Variants in FLI1 observed in about 807,000 individuals in gnomAD.
FLI1 encodes the protein Friend leukemia integration 1 transcription factor.
FLI1 carries 13 observed loss-of-function variants against 53.1 expected under a neutral mutation model. The ratio of observed to expected loss-of-function variants is 0.24; its 90% CI spans 0.16 to 0.39. The LOEUF is 0.39. Among genes scored for constraint, FLI1 ranks in the 10% least tolerant of loss-of-function variants. The pLI is 1.00. For missense variants in FLI1, 424 were observed against 600.5 expected, an observed-to-expected ratio of 0.71 and a Z score of 3.07; for synonymous variants, 244 against 236.7, an observed-to-expected ratio of 1.03 and a Z score of -0.28.
chr11:128,747,513 T>C (rs1374882567), intron 1 of FLI1, among the ~76,000 whole-genome samples: 3 of 152,236 alleles, frequency 2.0e-5, no homozygotes, highest in Non-Finnish European at 4.4e-5. Context: ...TATTTAATAC[T>C]TCCTACCCAT....
intron 4 of FLI1, among the ~76,000 whole-genome samples, chr11:128,775,497 C>T (rs1941702530): frequency 6.6e-6 from 1 of 152,108 alleles, no homozygotes; most frequent in South Asian, 2.1e-4. Context: ...GGGGTTCCAG[C>T]CTTGGGGACC....
intron 5 of FLI1, among the ~76,000 whole-genome samples, chr11:128,799,043 A>ATTTTTTTTTTTT (rs1186555006): frequency 7.8e-6 from 1 of 128,670 alleles, no homozygotes; most frequent in African/African-American, 3.0e-5. Context: ...TATTATTATT[A>ATTTTTTTTTTTT]TTATTATTAT....
chr11:128,687,371 G>T (rs1234944447), intron 1 of FLI1, among the ~76,000 whole-genome samples: 1 of 152,122 alleles, frequency 6.6e-6, no homozygotes, highest in African/African-American at 2.4e-5. Context: ...TGGGTGGGGC[G>T]GGGAGTGCGC....
chr11:128,780,341 C>T (rs954881376), intron 4 of FLI1, among the ~76,000 whole-genome samples: 1 of 152,194 alleles, frequency 6.6e-6, no homozygotes, highest in Admixed American at 6.5e-5. Flanking sequence ...CTTCCTCTGC[C>T]GGGTGCGGTG....
intron 2 of FLI1, among the ~76,000 whole-genome samples, chr11:128,760,144 G>A (rs144484004): frequency 2.0e-5 from 3 of 152,280 alleles, no homozygotes; most frequent in East Asian, 1.9e-4. Flanking sequence ...CCTAACAGTC[G>A]AAGGACATGG....
At chr11:128,723,926 G>A (rs1939359504) in intron 1 of FLI1, among the ~76,000 whole-genome samples, 1 of 146,664 alleles carries the variant, frequency 6.8e-6, no homozygotes, top group African/African-American at 2.5e-5. Context: ...GAGGAACAAT[G>A]GAGTTGATTT....
intron 2 of FLI1, among the ~76,000 whole-genome samples, chr11:128,765,582 C>G (rs1012912245): frequency 6.6e-6 from 1 of 152,272 alleles, no homozygotes; most frequent in African/African-American, 2.4e-5. Flanking sequence ...CCTATGCCCT[C>G]TTGCTCTGGG....
chr11:128,796,939 C>T (rs1009447142), intron 5 of FLI1, among the ~76,000 whole-genome samples: 1 of 152,362 alleles, frequency 6.6e-6, no homozygotes, highest in Non-Finnish European at 1.5e-5. Context: ...TGCGCCATTG[C>T]ACTCCAGCCT....
At chr11:128,747,620 T>G (rs187000373) in intron 1 of FLI1, among the ~76,000 whole-genome samples, 1 of 152,332 alleles carries the variant, frequency 6.6e-6, no homozygotes, top group East Asian at 1.9e-4. Flanking sequence ...GGCTTTGCTT[T>G]GCGCTGTCCC....
intron 1 of FLI1, among the ~76,000 whole-genome samples, chr11:128,746,984 C>T (rs1940422661): frequency 6.6e-6 from 1 of 152,200 alleles, no homozygotes; most frequent in Admixed American, 6.5e-5. Flanking sequence ...TGCCTTTTGA[C>T]CCCATCTGCA....
intron 5 of FLI1, among the ~76,000 whole-genome samples, chr11:128,802,429 G>A (rs73019492): frequency 0.019 from 2,835 of 152,312 alleles, 41 homozygotes; most frequent in Non-Finnish European, 0.032. Flanking sequence ...ATGAGAGGGA[G>A]GCCTGTGGTC....
intron 5 of FLI1, 114 bp from the exon 6 acceptor site, chr11:128,805,252 A>G: frequency 1.6e-6 from 1 of 618,998 alleles, no homozygotes; most frequent in South Asian, 2.2e-5. Flanking sequence ...GGGATGCTTT[A>G]AAAGCCATTG....
chr11:128,775,751 G>A (rs1941709709), intron 4 of FLI1, among the ~76,000 whole-genome samples: 3 of 152,240 alleles, frequency 2.0e-5, no homozygotes, highest in Admixed American at 2.0e-4. Flanking sequence ...GGCAAGGGGA[G>A]AGGGTGCTGA....
rs1006628564 is a variant in FLI1 at position 128,813,041 on chromosome 11, G to A, written c.*2053G>A. 1.2e-4 allele frequency: 20 copies of A among 167,752 alleles called. 3 individuals carry two copies. The highest frequency in any genetic ancestry group is 2.2e-4 in the South Asian group (1 of 4,540). The allele number at this position is 167,752 out of a possible 1,614,324, so 10.4% of individuals were successfully genotyped here. On this transcript the variant is annotated 3_prime_UTR_variant, in exon 9 of 9. Transcript: ENST00000527786. ...ACACTAAGTACCTTCTAGACAACAT[G>A]TCTACCTAAATGAAATGGGATGTGT...
At chr11:128,689,500 C>T (rs1362484301), upstream of FLI1, among the ~76,000 whole-genome samples, 1 of 152,000 alleles carries the variant, frequency 6.6e-6, no homozygotes, top group African/African-American at 2.4e-5. Flanking sequence ...TTCCGCCTGT[C>T]CCCCGGACGA....
chr11:128,805,301 T>C (rs1342541624), intron 5 of FLI1, 65 bp from the exon 6 acceptor site: 1 of 929,216 alleles, frequency 1.1e-6, no homozygotes, highest in Non-Finnish European at 1.7e-6. Flanking sequence ...CTACAGATAA[T>C]GCTCATGCAA....
chr11:128,702,269 A>T lies in FLI1; in HGVS notation c.18+7993A>T, dbSNP rs566690608. The stretch of plus-strand genomic sequence containing the variant: ...GTAAATGAACAAGAATAAGGTTTCT[A>T]TGCTATTTCTTCCAGGCTTTGAGAG... On this transcript the variant is annotated intron_variant, in intron 1 of 8. Coordinates refer to ENST00000527786, the MANE Select transcript of FLI1 (RefSeq NM_002017.5). 3.5e-3 allele frequency among the ~76,000 whole-genome samples: 531 copies of T among 152,348 alleles called. 3 individuals are homozygous for T. The highest frequency in any genetic ancestry group is 0.012 in the African/African-American group (515 of 41,590).
chr11:128,709,254 A>G (rs1049824308), intron 1 of FLI1, among the ~76,000 whole-genome samples: 1 of 152,222 alleles, frequency 6.6e-6, no homozygotes, highest in African/African-American at 2.4e-5. Flanking sequence ...AAGTAAAAGC[A>G]CTTTGTAATT....
At chr11:128,763,099 A>C (rs559790256) in intron 2 of FLI1, among the ~76,000 whole-genome samples, 1 of 152,244 alleles carries the variant, frequency 6.6e-6, no homozygotes, top group South Asian at 2.1e-4. Flanking sequence ...CTTCTGAGTT[A>C]TGTCTTCATG....
Sources: gnomAD v4.1 joint callset for allele counts (sites outside exome capture counted in the v4.1 genomes callset) on GRCh38, gnomAD v4.1.1 for gene constraint, MANE v1.5 for transcripts, NCBI Gene and HGNC (gene_info 2026-07-23, HGNC 2026-07-21) for gene names.